The following NLGN1 variants were observed in gnomAD, a reference collection of about 807,000 sequenced individuals.
NLGN1 encodes neuroligin-1.
Under a neutral mutation model 65.5 loss-of-function variants are expected in NLGN1, and 12 were observed. The ratio of observed to expected loss-of-function variants is 0.18; its 90% CI spans 0.12 to 0.30. NLGN1 has a LOEUF of 0.30. Among genes scored for constraint, NLGN1 ranks in the 10% least tolerant of loss-of-function variants. The pLI is 1.00. For synonymous variants in NLGN1, 350 were observed against 359.5 expected (o/e 0.97, Z 0.30); for missense variants, 750 against 1,007.1 (o/e 0.74, Z 3.46).
At position 174,007,130 on chromosome 3, in the gene NLGN1, G is replaced by A. The variant is rs115280455; in HGVS notation, c.646+199298G>A. Among the ~76,000 whole-genome samples, 916 of 152,164 alleles carry A rather than the reference G, an allele frequency of 6.0e-3. 12 individuals carry two copies. Among genetic ancestry groups the A allele is most frequent in the African/African-American group, 0.021 (859 of 41,524 alleles). On this transcript the variant is annotated intron_variant, in intron 4 of 6. Transcript: ENST00000457714. ...AGAGAGACACTAGGGATGCATGCAC[G>A]CAGAGGAAAGACCATGCGGAGCACA...
intron 4 of NLGN1, among the ~76,000 whole-genome samples, chr3:174,114,735 T>C (rs1160314783): frequency 6.6e-6 from 1 of 152,194 alleles, no homozygotes; most frequent in African/African-American, 2.4e-5. Context: ...TAAGGTGTTA[T>C]ACTTTTCCAC....
chr3:174,112,281 T>G lies in NLGN1; in HGVS notation c.647-163034T>G, dbSNP rs73880352. On this transcript the variant is annotated intron_variant, in intron 4 of 6. Coordinates refer to ENST00000457714, the Ensembl canonical transcript of NLGN1. Reference sequence around the variant, plus strand: ...TCACTGGATATTGAAATAGATAAGATGATTGATTAATAAATGGAAATCAAT... The same window carrying G: ...TCACTGGATATTGAAATAGATAAGAGGATTGATTAATAAATGGAAATCAAT... Among the ~76,000 whole-genome samples, 986 of 152,084 alleles carry G rather than the reference T, an allele frequency of 6.5e-3. 11 individuals carry two copies. The highest frequency in any genetic ancestry group is 0.022 in the African/African-American group (927 of 41,544).
chr3:173,823,103 C>G (rs1443629081), intron 4 of NLGN1, among the ~76,000 whole-genome samples: 1 of 151,902 alleles, frequency 6.6e-6, no homozygotes, highest in Non-Finnish European at 1.5e-5. Flanking sequence ...TAAAGATATT[C>G]GCATATAATT....
At chr3:174,113,762 GA>G (rs1220117941) in intron 4 of NLGN1, among the ~76,000 whole-genome samples, 10 of 152,054 alleles carry the variant, frequency 6.6e-5, no homozygotes, top group African/African-American at 2.4e-4. Flanking sequence ...CTAACATTTA[GA>G]AAATTAATAA....
chr3:174,216,395 A>T (rs1380080301), intron 4 of NLGN1, among the ~76,000 whole-genome samples: 1 of 152,114 alleles, frequency 6.6e-6, no homozygotes, highest in Non-Finnish European at 1.5e-5. Flanking sequence ...GGCTTTATGG[A>T]TCAATTATTA....
chr3:173,905,352 T>G (rs952427906), intron 4 of NLGN1, among the ~76,000 whole-genome samples: 4 of 152,200 alleles, frequency 2.6e-5, no homozygotes, highest in Non-Finnish European at 5.9e-5. Context: ...GGGTCCATAT[T>G]AGCTTCCAAC....
chr3:173,596,972 T>A (rs1749591594), intron 2 of NLGN1, among the ~76,000 whole-genome samples: 1 of 152,212 alleles, frequency 6.6e-6, no homozygotes, highest in Non-Finnish European at 1.5e-5. Flanking sequence ...TATCATTTAT[T>A]CTCTGCCCCA....
intron 2 of NLGN1, among the ~76,000 whole-genome samples, chr3:173,588,256 G>T (rs1747839221): frequency 6.6e-6 from 1 of 152,060 alleles, no homozygotes; most frequent in African/African-American, 2.4e-5. Flanking sequence ...ATAATCCTGT[G>T]GGATAGCAAC....
chr3:173,408,363 A>T (rs778898614), intron 1 of NLGN1, among the ~76,000 whole-genome samples: 1 of 152,158 alleles, frequency 6.6e-6, no homozygotes, highest in Non-Finnish European at 1.5e-5. Flanking sequence ...ACCATCACTT[A>T]AAAATTTTTA....
At chr3:173,944,124 GGTGTGTGTGTGTGT>G (rs1553897255) in intron 4 of NLGN1, among the ~76,000 whole-genome samples, 8 of 139,512 alleles carry the variant, frequency 5.7e-5, no homozygotes, top group South Asian at 4.6e-4. Flanking sequence ...TAATATTATG[GGTGTGTGTGTGTGT>G]GTGTGTGTGT....
At chr3:173,494,122 AGTGTGTGTGT>A (rs63066860) in intron 2 of NLGN1, among the ~76,000 whole-genome samples, 1 of 147,860 alleles carries the variant, frequency 6.8e-6, no homozygotes, top group African/African-American at 2.5e-5. Context: ...GTTATAGGTG[AGTGTGTGTGT>A]GTGTGTGTGT....
intron 3 of NLGN1, among the ~76,000 whole-genome samples, chr3:173,707,508 T>G (rs1178070848): frequency 6.6e-6 from 1 of 151,866 alleles, no homozygotes; most frequent in Non-Finnish European, 1.5e-5. Context: ...ATATAATAAT[T>G]ATATATTATT....
chr3:174,082,194 G>A (rs551199365), intron 4 of NLGN1, among the ~76,000 whole-genome samples: 10 of 152,160 alleles, frequency 6.6e-5, no homozygotes, highest in South Asian at 2.1e-4. Flanking sequence ...CCTTCCATCC[G>A]AGGATTCTCT....
rs1054450252 is a variant in NLGN1, at chr3:173,760,619, T to C, written c.494-47061T>C. Among the ~76,000 whole-genome samples the C allele has an allele frequency of 3.3e-5, 5 of 152,002 alleles. No individual in the cohort carries two copies. The East Asian group carries it at 9.6e-4, about 29-fold the overall frequency. On this transcript the variant is annotated intron_variant, in intron 3 of 6. Coordinates refer to ENST00000457714, the Ensembl canonical transcript of NLGN1. ...ATAGTTTATTGTACTATATGAACAT[T>C]TAGTAAGTAGCTCAGTCTAATTTAG...
intron 4 of NLGN1, among the ~76,000 whole-genome samples, chr3:174,272,661 G>GATAGATAGATAGATA (rs1561444849): frequency 1.0e-4 from 11 of 105,538 alleles, no homozygotes; most frequent in East Asian, 4.9e-4. Flanking sequence ...ATGGATGGAT[G>GATAGATAGATAGATA]GATGGATAGA....
intron 3 of NLGN1, among the ~76,000 whole-genome samples, chr3:173,702,103 G>T (rs1397043955): frequency 6.7e-6 from 1 of 149,970 alleles, no homozygotes; most frequent in African/African-American, 2.4e-5. Flanking sequence ...GCTGGGCGTA[G>T]TGGCGGGCGC....
At chr3:174,182,342 G>C (rs1323453909) in intron 4 of NLGN1, among the ~76,000 whole-genome samples, 2 of 152,008 alleles carry the variant, frequency 1.3e-5, no homozygotes, top group Admixed American at 6.6e-5. Context: ...AAATCAACTA[G>C]CAAGTACCTG....
chr3:173,598,222 TA>T (rs1454425934), intron 2 of NLGN1, among the ~76,000 whole-genome samples: 1 of 152,136 alleles, frequency 6.6e-6, no homozygotes, highest in Non-Finnish European at 1.5e-5. Flanking sequence ...GAACAATTAA[TA>T]AAAACAAAGT....
chr3:174,271,046 C>T (rs138626236), intron 4 of NLGN1, among the ~76,000 whole-genome samples: 12 of 151,790 alleles, frequency 7.9e-5, no homozygotes, highest in Non-Finnish European at 1.3e-4. Flanking sequence ...AAGAACAAAC[C>T]ACAGTCATCT....
Sources: gnomAD v4.1 joint callset for allele counts (sites outside exome capture counted in the v4.1 genomes callset) on GRCh38, gnomAD v4.1.1 for gene constraint, MANE v1.5 for transcripts, NCBI Gene and HGNC (gene_info 2026-07-23, HGNC 2026-07-21) for gene names.